The following SHISAL1 variants were observed in gnomAD, a reference collection of about 807,000 sequenced individuals.
SHISAL1 encodes shisa like 1.
SHISAL1 carries 9 observed loss-of-function variants against 22.6 expected under a neutral mutation model. The ratio of observed to expected loss-of-function variants is 0.40; its 90% confidence interval spans 0.24 to 0.70. The LOEUF is 0.70. SHISAL1 is among the 30% of genes least tolerant of loss of function. The pLI, the probability that SHISAL1 is intolerant of heterozygous loss-of-function variation, is 0.39. For missense variants in SHISAL1, 246 were observed against 270.6 expected, an observed-to-expected ratio of 0.91 and a Z score of 0.64; for synonymous variants, 119 against 115.4, an observed-to-expected ratio of 1.03 and a Z score of -0.20.
chr22:44,314,956 G>C (rs2055548717), upstream of SHISAL1, among the ~76,000 whole-genome samples: 1 of 152,212 alleles, frequency 6.6e-6, no homozygotes, highest in Non-Finnish European at 1.5e-5. Flanking sequence ...ACGCTTTCTA[G>C]AAGGCTAAAA....
chr22:44,281,156 A>C (rs2055273737), intron 4 of SHISAL1, among the ~76,000 whole-genome samples: 1 of 152,088 alleles, frequency 6.6e-6, no homozygotes, highest in Non-Finnish European at 1.5e-5. Flanking sequence ...AGGGCCCGCC[A>C]CCTGAGGGGA....
intron 3 of SHISAL1, among the ~76,000 whole-genome samples, chr22:44,290,080 C>T (rs578221883): frequency 6.6e-6 from 1 of 152,350 alleles, no homozygotes; most frequent in East Asian, 1.9e-4. Context: ...AGAGCAGCTG[C>T]AGCCAGTGTG....
the SHISAL1 span, among the ~76,000 whole-genome samples, chr22:44,331,702 G>A: frequency 7.6e-3 from 1,127 of 147,516 alleles, 13 homozygotes; most frequent in South Asian, 0.022. The surrounding 1 kb of genome is among the most constrained non-coding windows in gnomAD (Gnocchi z 5.2). Context: ...AGGCGCGCCG[G>A]GCGCGGCGCG....
chr22:44,293,705 T>A (rs1371155259), intron 3 of SHISAL1, among the ~76,000 whole-genome samples: 1 of 152,148 alleles, frequency 6.6e-6, no homozygotes, highest in Non-Finnish European at 1.5e-5. Flanking sequence ...CCCTTCCTCA[T>A]CTGTAAAATG....
rs1451141388 is a variant in SHISAL1 at position 44,249,632 on chromosome 22, A to G, written c.*53T>C. 2 of 778,788 alleles carry G rather than the reference A, an allele frequency of 2.6e-6. No individual in the cohort carries two copies. The highest frequency in any genetic ancestry group is 3.4e-5 in the African/African-American group (2 of 58,954). The allele number at this position is 778,788 out of a possible 1,614,324, so 48.2% of individuals were successfully genotyped here. The stretch of plus-strand genomic sequence containing the variant: ...AGAAGTTGTTCTTCTCGGAGGCTGC[A>G]CCGGGTGCTTCAGATCTCATCTCCC... On this transcript the variant is annotated 3_prime_UTR_variant, in exon 5 of 5. Transcript: ENST00000381176.
chr22:44,299,502 G>A (rs1004298614), intron 2 of SHISAL1, among the ~76,000 whole-genome samples: 32 of 152,208 alleles, frequency 2.1e-4, no homozygotes, highest in Admixed American at 1.7e-3. Context: ...ATCTGGGGTG[G>A]GGAGAGCAGC....
chr22:44,302,178 G>A (rs899914212), intron 1 of SHISAL1, among the ~76,000 whole-genome samples: 4 of 151,914 alleles, frequency 2.6e-5, no homozygotes, highest in Admixed American at 1.3e-4. Flanking sequence ...CTGTCTCTAC[G>A]AAAAATACAA....
chr22:44,313,063 C>T (rs2055531834), upstream of SHISAL1, among the ~76,000 whole-genome samples: 1 of 152,206 alleles, frequency 6.6e-6, no homozygotes, highest in Non-Finnish European at 1.5e-5. Context: ...AGCGGCTGCT[C>T]CCGCAGTCCC....
chr22:44,294,190 G>A (rs962651098), intron 3 of SHISAL1, among the ~76,000 whole-genome samples: 1 of 152,222 alleles, frequency 6.6e-6, no homozygotes, highest in African/African-American at 2.4e-5. Context: ...TTGCAGCCCT[G>A]ATATGATGGA....
intron 1 of SHISAL1, among the ~76,000 whole-genome samples, chr22:44,302,411 C>CA (rs1238559048): frequency 1.5e-5 from 2 of 134,816 alleles, no homozygotes; most frequent in Non-Finnish European, 3.1e-5. Flanking sequence ...TATTTTGCCA[C>CA]AATAAAAAAA....
At chr22:44,299,411 A>G (rs999211022) in intron 2 of SHISAL1, among the ~76,000 whole-genome samples, 10 of 152,172 alleles carry the variant, frequency 6.6e-5, no homozygotes. Context: ...TGAGTGTCTC[A>G]CCTTCCTCAT....
upstream of SHISAL1, among the ~76,000 whole-genome samples, chr22:44,313,177 C>T (rs2055532695): frequency 6.6e-6 from 1 of 152,250 alleles, no homozygotes; most frequent in African/African-American, 2.4e-5. Context: ...TGTGAGATCC[C>T]ACAGCTAGAA....
At chr22:44,279,085 C>T (rs1451081621) in intron 4 of SHISAL1, among the ~76,000 whole-genome samples, 1 of 152,202 alleles carries the variant, frequency 6.6e-6, no homozygotes, top group East Asian at 1.9e-4. Flanking sequence ...CTTTCTGTCA[C>T]CACCCGCCTG....
At chr22:44,296,050 G>C (rs953438719) in intron 3 of SHISAL1, among the ~76,000 whole-genome samples, 1 of 152,186 alleles carries the variant, frequency 6.6e-6, no homozygotes, top group African/African-American at 2.4e-5. Flanking sequence ...GTGGATTACA[G>C]GCCCAGGCGC....
chr22:44,262,490 C>G (rs930369585), intron 4 of SHISAL1, among the ~76,000 whole-genome samples: 1 of 152,216 alleles, frequency 6.6e-6, no homozygotes, highest in Non-Finnish European at 1.5e-5. Context: ...ACCTCCCATG[C>G]GTGTGGAGCC....
chr22:44,271,163 C>G (rs1284946781), intron 4 of SHISAL1, among the ~76,000 whole-genome samples: 2 of 152,168 alleles, frequency 1.3e-5, no homozygotes, highest in African/African-American at 2.4e-5. Flanking sequence ...GTGCCTATAT[C>G]CACATGACAG....
chr22:44,254,098 T>C (rs1313747318), intron 4 of SHISAL1, among the ~76,000 whole-genome samples: 1 of 151,956 alleles, frequency 6.6e-6, no homozygotes, highest in African/African-American at 2.4e-5. Flanking sequence ...AACTGCAGAA[T>C]ATCTAGACAA....
At chr22:44,321,767 C>T in the SHISAL1 span, among the ~76,000 whole-genome samples, 82,602 of 152,016 alleles carry the variant, frequency 0.54, 24,936 homozygotes, top group East Asian at 0.8. Flanking sequence ...CCAACCCCAG[C>T]GCAGCTCCTC....
At chr22:44,327,077 C>A in the SHISAL1 span, among the ~76,000 whole-genome samples, 1 of 152,148 alleles carries the variant, frequency 6.6e-6, no homozygotes, top group Non-Finnish European at 1.5e-5. Flanking sequence ...TCAGTGTCCC[C>A]ATCTGAATAT....
Sources: gnomAD v4.1 joint callset for allele counts (sites outside exome capture counted in the v4.1 genomes callset) on GRCh38, gnomAD v4.1.1 for gene constraint, Gnocchi (gnomAD v3.1) non-coding constraint, MANE v1.5 for transcripts, NCBI Gene and HGNC (gene_info 2026-07-23, HGNC 2026-07-21) for gene names.